Variants in HEG1 observed in about 807,000 individuals in gnomAD.
HEG1 encodes the protein heart development protein with EGF like domains 1.
A neutral mutation model predicts 125.6 loss-of-function variants in HEG1; 56 were observed. The ratio of observed to expected loss-of-function variants is 0.45; its 90% confidence interval spans 0.36 to 0.56. The LOEUF is 0.56. Ranked by LOEUF, HEG1 falls within the 20% of genes least tolerant of loss-of-function variation. The probability of loss-of-function intolerance (pLI) is 0.00; values close to 1 mark genes in which losing one functional copy is unlikely to be tolerated. For synonymous variants in HEG1, 644 were observed against 668.5 expected (o/e 0.96, Z 0.57); for missense variants, 1,523 against 1,670.0 (o/e 0.91, Z 1.53).
At position 125,055,639 on chromosome 3, in the gene HEG1, G is replaced by C; in HGVS notation, c.252C>G (p.Ala84=). Residue 84 remains alanine (A), a synonymous_variant, in exon 1 of 17, where the codon GCC becomes GCG. Transcript: ENST00000311127. Reference sequence around the variant, plus strand: ...GCTGTGTCGCGGCGCCTGGCTCAGGGGCCCTGTAGCTGGGGCCGGGGGTCG... The same window carrying C: ...GCTGTGTCGCGGCGCCTGGCTCAGGCGCCCTGTAGCTGGGGCCGGGGGTCG... ...GPATPGPSYR[A]PEPGAATQRG... 8.4e-7 allele frequency: 1 copy of C among 1,196,902 alleles called. No homozygotes were observed. The highest frequency in any genetic ancestry group is 1.0e-6 in the Non-Finnish European group (1 of 965,292). 74.1% of individuals were successfully genotyped at this position (1,196,902 alleles called of 1,614,324 possible).
At chr3:125,046,045 A>G (rs1163366727) in intron 1 of HEG1, among the ~76,000 whole-genome samples, 1 of 152,128 alleles carries the variant, frequency 6.6e-6, no homozygotes, top group Non-Finnish European at 1.5e-5. Context: ...CATTTTTAAT[A>G]TGAGGAAATT....
rs769622103 is a variant in HEG1, at chr3:125,002,003, G to A, written c.3366C>T (p.Asn1122=). The A allele has an allele frequency of 1.2e-4, 195 of 1,613,836 alleles. 1 individual carries two copies. The highest frequency in any genetic ancestry group is 8.0e-5 in the African/African-American group (6 of 74,956). ...RSTVHASRES[N]AVVISLQTTF... ...TTGTTTGCAGTGAGATCACCACCGC[G>A]TTGGACTCCCTATAGGCAAAGTTTG... The change falls in exon 11 of 17, where the codon AAC becomes AAT. Residue 1122 remains asparagine, a synonymous_variant. Transcript: ENST00000311127.
At chr3:125,002,680 C>A (rs1356790457) in intron 9 of HEG1, among the ~76,000 whole-genome samples, 1 of 152,196 alleles carries the variant, frequency 6.6e-6, no homozygotes, top group East Asian at 1.9e-4. Context: ...ACGAGCTGCA[C>A]TGGAAAGGCT....
chr3:125,010,685 A>G, intron 6 of HEG1, 130 bp from the exon 7 acceptor site: 1 of 663,968 alleles, frequency 1.5e-6, no homozygotes, highest in Non-Finnish European at 2.5e-6. Flanking sequence ...CTGAAAGGCC[A>G]CATTACAAAA....
chr3:125,003,463 A>G (rs1309005458), intron 9 of HEG1, among the ~76,000 whole-genome samples: 2 of 152,258 alleles, frequency 1.3e-5, no homozygotes, highest in Non-Finnish European at 2.9e-5. Context: ...TCTGCTGTGT[A>G]GTAAAGAATT....
At position 124,967,297 on chromosome 3, in the gene HEG1, G is replaced by C. The variant is rs951007650; in HGVS notation, c.*3355C>G. ...TGGATGTGTATGTCTGACTGCACTT[G>C]TCAGAAACCCAGGTCCTTGCCTTCC... On this transcript the variant is annotated 3_prime_UTR_variant, in exon 17 of 17. Transcript: ENST00000311127. 6.6e-6 allele frequency: 1 copy of C among 152,142 alleles called. No homozygotes were observed. The highest frequency in any genetic ancestry group is 1.5e-5 in the Non-Finnish European group (1 of 68,028). The allele number at this position is 152,142 out of a possible 1,614,324, so 9.4% of individuals were successfully genotyped here.
At chr3:125,036,292 G>C (rs1395216395) in intron 1 of HEG1, among the ~76,000 whole-genome samples, 1 of 148,718 alleles carries the variant, frequency 6.7e-6, no homozygotes, top group Non-Finnish European at 1.5e-5. Context: ...TTGTCATAGA[G>C]AGAAATCAGT....
At chr3:125,028,882 C>T (rs1937454870) in intron 2 of HEG1, among the ~76,000 whole-genome samples, 1 of 152,212 alleles carries the variant, frequency 6.6e-6, no homozygotes. Flanking sequence ...AAGCCTGTCG[C>T]AGCTATGCAT....
At chr3:125,054,374 AC>A (rs1158505729) in intron 1 of HEG1, among the ~76,000 whole-genome samples, 1 of 152,230 alleles carries the variant, frequency 6.6e-6, no homozygotes, top group East Asian at 1.9e-4. Context: ...TAATGGGAAT[AC>A]TGTTGAATAT....
At chr3:125,031,427 C>T (rs759551256) in intron 1 of HEG1, among the ~76,000 whole-genome samples, 6 of 152,134 alleles carry the variant, frequency 3.9e-5, no homozygotes, top group Non-Finnish European at 7.3e-5. Flanking sequence ...GAGGACAGGG[C>T]CACATGAAGT....
At chr3:125,003,719 G>A (rs763396076) in intron 9 of HEG1, among the ~76,000 whole-genome samples, 2 of 152,180 alleles carry the variant, frequency 1.3e-5, no homozygotes, top group Admixed American at 6.5e-5. Context: ...GAGAGCTTCC[G>A]TGGTTGGCAG....
At chr3:124,987,218 T>C (rs1936752057) in intron 14 of HEG1, among the ~76,000 whole-genome samples, 1 of 152,044 alleles carries the variant, frequency 6.6e-6, no homozygotes, top group African/African-American at 2.4e-5. Flanking sequence ...AAATAAAAAA[T>C]AAAAACTAGG....
At position 125,012,802 on chromosome 3, in the gene HEG1, T is replaced by A; in HGVS notation, c.2777A>T (p.Glu926Val). The A allele has an allele frequency of 5.0e-6, 8 of 1,614,074 alleles. No individual in the cohort carries two copies. The highest frequency in any genetic ancestry group is 6.8e-6 in the Non-Finnish European group (8 of 1,179,904). Reference sequence around the variant, plus strand: ...TGTAACGCCAAGCTTTGTGGTCATTTCTTTTGCTGATGTGGGTACACTGGT... The same window carrying A: ...TGTAACGCCAAGCTTTGTGGTCATTACTTTTGCTGATGTGGGTACACTGGT... ...PLTSVPTSAK[E>V]MTTKLGVTAE... The change falls in exon 6 of 17, where the codon GAA (glutamate) becomes GTA (valine). Residue 926 changes from glutamate (E) to valine (V), a missense_variant. Glu to Val is a moderately radical substitution (Grantham distance 121). Transcript: ENST00000311127.
chr3:125,021,180 T>A (rs1194503639), intron 3 of HEG1, 50 bp from the exon 4 acceptor site: 1 of 1,374,930 alleles, frequency 7.3e-7, no homozygotes, highest in South Asian at 1.4e-5. Flanking sequence ...TTTAAGAAAA[T>A]CCGGACTATA....
chr3:124,993,849 A>C (rs1936872414), intron 12 of HEG1, among the ~76,000 whole-genome samples: 1 of 152,086 alleles, frequency 6.6e-6, no homozygotes, highest in Non-Finnish European at 1.5e-5. Flanking sequence ...TTCATTTTGT[A>C]TCAGAAGTGA....
At chr3:124,991,748 A>T (rs1052247415) in intron 12 of HEG1, among the ~76,000 whole-genome samples, 2 of 152,230 alleles carry the variant, frequency 1.3e-5, no homozygotes, top group Admixed American at 1.3e-4. Flanking sequence ...AGTAGCTGGG[A>T]TTACAGGGGC....
intron 2 of HEG1, among the ~76,000 whole-genome samples, chr3:125,028,105 G>A (rs932905680): frequency 6.6e-6 from 1 of 151,676 alleles, no homozygotes; most frequent in Non-Finnish European, 1.5e-5. Context: ...TCATCCCTGT[G>A]GCCACTAGGC....
intron 1 of HEG1, among the ~76,000 whole-genome samples, chr3:125,054,886 G>A (rs1283447892): frequency 6.6e-6 from 1 of 152,148 alleles, no homozygotes; most frequent in Non-Finnish European, 1.5e-5. Context: ...GAAAGAACTG[G>A]ACACAAAGGT....
intron 14 of HEG1, among the ~76,000 whole-genome samples, chr3:124,985,717 G>T (rs1936727229): frequency 6.6e-6 from 1 of 152,216 alleles, no homozygotes; most frequent in Non-Finnish European, 1.5e-5. Flanking sequence ...CCCAGGAGTG[G>T]GGGCCCTGCT....
Sources: gnomAD v4.1 joint callset for allele counts (sites outside exome capture counted in the v4.1 genomes callset) on GRCh38, gnomAD v4.1.1 for gene constraint, MANE v1.5 for transcripts, NCBI Gene and HGNC (gene_info 2026-07-23, HGNC 2026-07-21) for gene names.